RAD52: variants seen among roughly 807,000 people sequenced by gnomAD.
RAD52 encodes the protein DNA repair protein RAD52 homolog.
RAD52 carries 47 observed loss-of-function variants against 55.5 expected under a neutral mutation model. The observed-to-expected ratio is 0.85, with a 90% CI of 0.67 to 1.08. The LOEUF is 1.08. Ranked by LOEUF, RAD52 falls within the 50% of genes least tolerant of loss-of-function variation. RAD52 has a pLI of 0.00. For missense variants in RAD52, 468 were observed against 522.8 expected (o/e 0.90, Z 1.02); for synonymous variants, 184 against 198.9 (o/e 0.92, Z 0.63).
At chr12:952,720 C>T (rs1186697642), upstream of RAD52, among the ~76,000 whole-genome samples, 2 of 150,052 alleles carry the variant, frequency 1.3e-5, no homozygotes, top group African/African-American at 2.5e-5. Flanking sequence ...GGTAAAACCC[C>T]GTCTCTACTA....
chr12:986,195 A>G (rs1014797049), intron 1 of RAD52, among the ~76,000 whole-genome samples: 1 of 151,704 alleles, frequency 6.6e-6, no homozygotes, highest in Non-Finnish European at 1.5e-5. Flanking sequence ...CGGCCTCCCA[A>G]AGTGCTGGGA....
At chr12:943,374 G>T (rs1007671857) in intron 1 of RAD52, among the ~76,000 whole-genome samples, 1 of 152,178 alleles carries the variant, frequency 6.6e-6, no homozygotes, top group Admixed American at 6.5e-5. Flanking sequence ...ACGAAGTCTT[G>T]TTCAGTCGCC....
intron 1 of RAD52, among the ~76,000 whole-genome samples, chr12:964,621 C>A (rs1287155563): frequency 6.6e-6 from 1 of 152,056 alleles, no homozygotes; most frequent in African/African-American, 2.4e-5. Flanking sequence ...CTCTGCTGCC[C>A]AGGCTGGAGT....
chr12:927,020 A>T, intron 6 of RAD52, 125 bp downstream of exon 6: 1 of 1,534,802 alleles, frequency 6.5e-7, no homozygotes, highest in Non-Finnish European at 8.9e-7. Flanking sequence ...AGGGGTGAGA[A>T]TTACCTTCCA....
chr12:914,552 G>A lies in RAD52; in HGVS notation c.866-20C>T, dbSNP rs1390963478. 2 of 1,612,280 alleles carry A rather than the reference G, an allele frequency of 1.2e-6. No homozygotes were observed. Among genetic ancestry groups the A allele is most frequent in the Non-Finnish European group, 8.5e-7 (1 of 1,179,758 alleles). On this transcript the variant is annotated intron_variant, in intron 9 of 11. Coordinates refer to ENST00000358495, the MANE Select transcript of RAD52 (RefSeq NM_134424.4). ...GCGCTGCTACGGTTCACAGAGGAGAGAAAGGACAAGTCATCATCACATCAC... is the reference window on the plus strand; with the variant it reads ...GCGCTGCTACGGTTCACAGAGGAGAAAAAGGACAAGTCATCATCACATCAC...
At chr12:959,537 G>T (rs1958655911) in intron 1 of RAD52, among the ~76,000 whole-genome samples, 1 of 152,196 alleles carries the variant, frequency 6.6e-6, no homozygotes, top group Non-Finnish European at 1.5e-5. Flanking sequence ...GCCAATCATG[G>T]CTAAGGCTGG....
At chr12:954,090 A>T (rs1179532902), upstream of RAD52, among the ~76,000 whole-genome samples, 2 of 152,162 alleles carry the variant, frequency 1.3e-5, no homozygotes, top group Non-Finnish European at 2.9e-5. Flanking sequence ...TCTGATTACT[A>T]ATGATTTTAA....
chr12:935,007 C>T (rs759184507), intron 1 of RAD52, among the ~76,000 whole-genome samples: 20 of 152,012 alleles, frequency 1.3e-4, no homozygotes, highest in Non-Finnish European at 1.5e-4. Flanking sequence ...CCCAGCTACT[C>T]GGGAGGCTGA....
upstream of RAD52, among the ~76,000 whole-genome samples, chr12:952,333 C>G (rs1227284943): frequency 6.6e-6 from 1 of 152,192 alleles, no homozygotes. Context: ...CTCCAGGGCT[C>G]AAGCAATCCT....
In RAD52 at chr12:914,216, C is replaced by T. The variant is rs1565643859; in HGVS notation, c.968-95G>A. ...CTGGCCCTCAGAAATTCCATGTCTTCAGTACCTTCTGAAAGTTTTTGGAAT... is the reference window on the plus strand; with the variant it reads ...CTGGCCCTCAGAAATTCCATGTCTTTAGTACCTTCTGAAAGTTTTTGGAAT... On this transcript the variant is annotated intron_variant, in intron 10 of 11. Coordinates refer to ENST00000358495, the MANE Select transcript of RAD52 (RefSeq NM_134424.4). 5.3e-6 allele frequency: 7 copies of T among 1,321,456 alleles called. No individual in the cohort carries two copies. In the South Asian group the frequency reaches 8.2e-5, roughly 15 times the overall value. The allele number at this position is 1,321,456 out of a possible 1,614,324, so 81.9% of individuals were successfully genotyped here. A position where few individuals can be genotyped will look rare whatever the true frequency, so the allele number is the denominator to read the frequency against.
intron 1 of RAD52, among the ~76,000 whole-genome samples, chr12:949,231 C>T (rs1195217837): frequency 6.6e-6 from 1 of 152,122 alleles, no homozygotes; most frequent in Non-Finnish European, 1.5e-5. Flanking sequence ...CAGCGTCCCC[C>T]GCTCCCTGCA....
intron 7 of RAD52, among the ~76,000 whole-genome samples, chr12:920,785 A>G (rs1267467035): frequency 6.6e-6 from 1 of 152,224 alleles, no homozygotes; most frequent in Non-Finnish European, 1.5e-5. Flanking sequence ...GAACAATACT[A>G]TAGGCCAACT....
At chr12:976,928 TC>T (rs1294660882) in intron 1 of RAD52, 3 of 152,240 alleles carry the variant, frequency 2.0e-5, no homozygotes, top group Non-Finnish European at 4.4e-5. Flanking sequence ...CTGGGGTTCT[TC>T]CAGTAGTCAA....
intron 1 of RAD52, among the ~76,000 whole-genome samples, chr12:984,354 C>A (rs1406265157): frequency 1.3e-5 from 2 of 152,058 alleles, no homozygotes; most frequent in Non-Finnish European, 2.9e-5. Flanking sequence ...TGCCACCACA[C>A]CCAGCTAATT....
At chr12:922,203 A>AAAAAAAAAAAAC (rs1956772643) in intron 7 of RAD52, among the ~76,000 whole-genome samples, 1 of 146,626 alleles carries the variant, frequency 6.8e-6, no homozygotes, top group East Asian at 2.0e-4. Flanking sequence ...AAAAAAAAAA[A>AAAAAAAAAAAAC]AAAAAAAAAA....
upstream of RAD52, among the ~76,000 whole-genome samples, chr12:953,777 A>G (rs1958567531): frequency 6.6e-6 from 1 of 152,320 alleles, no homozygotes; most frequent in East Asian, 1.9e-4. Flanking sequence ...CCCATGGTGT[A>G]CATCCACCAT....
At chr12:966,709 A>G (rs1384162619) in intron 1 of RAD52, among the ~76,000 whole-genome samples, 3 of 152,034 alleles carry the variant, frequency 2.0e-5, no homozygotes, top group South Asian at 2.1e-4. Context: ...TAAGTGCTAG[A>G]GATGCTATTG....
intron 6 of RAD52, 125 bp from the exon 7 acceptor site, chr12:925,650 T>C (rs1246938749): frequency 3.5e-5 from 25 of 707,882 alleles, no homozygotes; most frequent in South Asian, 3.2e-4. Flanking sequence ...GACCCTAACA[T>C]GCATTCCCCA....
intron 1 of RAD52, among the ~76,000 whole-genome samples, chr12:933,435 C>T (rs1273269173): frequency 4.1e-5 from 6 of 145,044 alleles, no homozygotes; most frequent in Admixed American, 7.1e-5. Context: ...CCAGCCTGGG[C>T]GACAGAGCGA....
Sources: gnomAD v4.1 joint callset for allele counts (sites outside exome capture counted in the v4.1 genomes callset) on GRCh38, gnomAD v4.1.1 for gene constraint, MANE v1.5 for transcripts, NCBI Gene and HGNC (gene_info 2026-07-23, HGNC 2026-07-21) for gene names.